ERBB4: variants seen among roughly 807,000 people sequenced by gnomAD.
The protein encoded by ERBB4 is receptor tyrosine-protein kinase erbB-4.
In ERBB4, 42 loss-of-function variants were observed where a neutral mutation model predicts 158.0. The observed-to-expected ratio is 0.27, with a 90% CI of 0.21 to 0.34. The LOEUF (loss-of-function observed/expected upper bound fraction) is 0.34, where lower values mean the gene tolerates loss of function less well. Among genes scored for constraint, ERBB4 ranks in the 10% least tolerant of loss-of-function variants. The probability of loss-of-function intolerance (pLI) is 1.00; values close to 1 mark genes in which losing one functional copy is unlikely to be tolerated. For synonymous variants in ERBB4, 583 were observed against 558.7 expected (o/e 1.04, Z -0.61); for missense variants, 1,333 against 1,624.1 (o/e 0.82, Z 3.08).
intron 5 of ERBB4, among the ~76,000 whole-genome samples, chr2:211,735,633 T>G (rs1216144311): frequency 1.3e-5 from 2 of 152,122 alleles, no homozygotes; most frequent in Non-Finnish European, 2.9e-5. Context: ...AAATACTCTT[T>G]AAATCTCAGA....
intron 6 of ERBB4, among the ~76,000 whole-genome samples, chr2:211,724,563 C>T (rs1023047580): frequency 6.6e-6 from 1 of 151,802 alleles, no homozygotes; most frequent in Admixed American, 6.6e-5. Context: ...AGTACTGTGT[C>T]AGGAATATGA....
chr2:211,767,080 C>T (rs1469886845), intron 4 of ERBB4, among the ~76,000 whole-genome samples: 2 of 152,188 alleles, frequency 1.3e-5, no homozygotes, highest in Non-Finnish European at 2.9e-5. Context: ...AATTCTGTAA[C>T]CAGCACTCTG....
At chr2:211,412,458 C>A (rs899689507) in intron 25 of ERBB4, among the ~76,000 whole-genome samples, 3 of 152,080 alleles carry the variant, frequency 2.0e-5, no homozygotes, top group African/African-American at 7.2e-5. Context: ...CTTTTTATAA[C>A]CTCTTAAACT....
At chr2:211,660,018 AG>A (rs1213909190) in intron 15 of ERBB4, among the ~76,000 whole-genome samples, 1 of 152,210 alleles carries the variant, frequency 6.6e-6, no homozygotes, top group African/African-American at 2.4e-5. Flanking sequence ...CAGGAGCAAA[AG>A]CACAGACCTG....
intron 2 of ERBB4, among the ~76,000 whole-genome samples, chr2:212,049,595 A>AT: frequency 6.6e-6 from 1 of 152,204 alleles, no homozygotes; most frequent in Non-Finnish European, 1.5e-5. Context: ...ACTTCTCAGT[A>AT]TTTAAAGTCA....
chr2:212,492,911 C>G (rs1159435903), intron 1 of ERBB4, among the ~76,000 whole-genome samples: 1 of 151,452 alleles, frequency 6.6e-6, no homozygotes, highest in Non-Finnish European at 1.5e-5. Context: ...TTACTCCATA[C>G]AGTAGTCATT....
chr2:211,435,070 G>A (rs917781508), intron 20 of ERBB4, among the ~76,000 whole-genome samples: 1 of 152,156 alleles, frequency 6.6e-6, no homozygotes, highest in Non-Finnish European at 1.5e-5. Context: ...CCTTCAAAAT[G>A]AAATAACTCT....
At chr2:212,002,647 T>C (rs1308560792) in intron 2 of ERBB4, among the ~76,000 whole-genome samples, 8 of 151,978 alleles carry the variant, frequency 5.3e-5, no homozygotes, top group Non-Finnish European at 2.9e-5. Flanking sequence ...ATGATACAAA[T>C]AGAAGAAAGT....
At chr2:212,327,212 G>C (rs1478942296) in intron 1 of ERBB4, among the ~76,000 whole-genome samples, 1 of 139,050 alleles carries the variant, frequency 7.2e-6, no homozygotes, top group Non-Finnish European at 1.7e-5. Context: ...TAATAACACT[G>C]AGCACTGTTC....
chr2:211,559,726 G>A (rs1000825942), intron 20 of ERBB4, among the ~76,000 whole-genome samples: 6 of 152,128 alleles, frequency 3.9e-5, no homozygotes, highest in Non-Finnish European at 1.5e-5. Flanking sequence ...CCATTAGGGT[G>A]CACAGAGAGA....
At chr2:212,380,336 T>G (rs940671840) in intron 1 of ERBB4, among the ~76,000 whole-genome samples, 2 of 151,252 alleles carry the variant, frequency 1.3e-5, no homozygotes, top group Non-Finnish European at 3.0e-5. Flanking sequence ...TACTAGTAAT[T>G]TAGAGATGAT....
chr2:212,175,534 C>T (rs2081638081), intron 1 of ERBB4, among the ~76,000 whole-genome samples: 1 of 151,552 alleles, frequency 6.6e-6, no homozygotes, highest in Admixed American at 6.6e-5. Context: ...ATATTTGGGT[C>T]CCAAAACAGA....
intron 2 of ERBB4, among the ~76,000 whole-genome samples, chr2:212,083,680 T>C (rs1260383621): frequency 2.0e-5 from 3 of 151,558 alleles, no homozygotes; most frequent in African/African-American, 4.8e-5. Context: ...GCAAAATAGG[T>C]TGACAACATA....
At chr2:212,513,600 C>G (rs941937338) in intron 1 of ERBB4, among the ~76,000 whole-genome samples, 1 of 152,098 alleles carries the variant, frequency 6.6e-6, no homozygotes, top group African/African-American at 2.4e-5. Flanking sequence ...ATCAAGAGGT[C>G]AGGAGATCGA....
At chr2:212,233,684 T>C (rs950885886) in intron 1 of ERBB4, among the ~76,000 whole-genome samples, 1 of 152,112 alleles carries the variant, frequency 6.6e-6, no homozygotes. Context: ...GAGAATCTCA[T>C]TGAGATGCAG....
At chr2:211,921,756 AT>A (rs2079863843) in intron 3 of ERBB4, among the ~76,000 whole-genome samples, 1 of 152,218 alleles carries the variant, frequency 6.6e-6, no homozygotes, top group African/African-American at 2.4e-5. Flanking sequence ...TGACAAGTAA[AT>A]GATGAGAAGG....
intron 2 of ERBB4, among the ~76,000 whole-genome samples, chr2:212,075,287 A>T (rs1433731544): frequency 6.6e-6 from 1 of 151,966 alleles, no homozygotes; most frequent in East Asian, 1.9e-4. Flanking sequence ...TTGGTATAGG[A>T]TATTCAGGAA....
At chr2:211,477,485 T>C (rs563877926) in intron 20 of ERBB4, among the ~76,000 whole-genome samples, 1 of 152,130 alleles carries the variant, frequency 6.6e-6, no homozygotes, top group Non-Finnish European at 1.5e-5. Flanking sequence ...TGTTTGGGGA[T>C]GTTCATTTGT....
intron 25 of ERBB4, among the ~76,000 whole-genome samples, chr2:211,399,176 A>G (rs748728224): frequency 2.9e-4 from 44 of 152,200 alleles, no homozygotes; most frequent in Non-Finnish European, 5.9e-4. Context: ...AACCCATTAT[A>G]TGCCCCATGT....
Sources: allele counts gnomAD v4.1 joint callset (sites outside exome capture counted in the v4.1 genomes callset), GRCh38; gene constraint gnomAD v4.1.1; transcripts MANE v1.5; gene names NCBI Gene and HGNC (gene_info 2026-07-23, HGNC 2026-07-21).